Variants in PCBP3 observed in about 807,000 individuals in gnomAD.
The protein encoded by PCBP3 is poly(rC)-binding protein 3.
A neutral mutation model predicts 52.7 loss-of-function variants in PCBP3; 25 were observed. The observed-to-expected ratio is 0.47, with a 90% confidence interval of 0.35 to 0.66. The LOEUF (loss-of-function observed/expected upper bound fraction) is 0.66, where lower values mean the gene tolerates loss of function less well. Ranked by LOEUF, PCBP3 falls within the 30% of genes least tolerant of loss-of-function variation. The pLI, the probability that PCBP3 is intolerant of heterozygous loss-of-function variation, is 0.01. For synonymous variants in PCBP3, 162 were observed against 183.0 expected (o/e 0.89, Z 0.93); for missense variants, 391 against 490.3 (o/e 0.80, Z 1.91).
At chr21:45,921,133 A>G (rs1467185665) in intron 13 of PCBP3, among the ~76,000 whole-genome samples, 1 of 128,144 alleles carries the variant, frequency 7.8e-6, no homozygotes, top group Non-Finnish European at 1.9e-5. Flanking sequence ...TGACATAGGT[A>G]ACAATAGTCA....
chr21:45,841,183 G>A (rs4819156), intron 4 of PCBP3, among the ~76,000 whole-genome samples: 21,545 of 152,162 alleles, frequency 0.14, 1,686 homozygotes, highest in Middle Eastern at 0.28. Context: ...ACGTATTCTC[G>A]TCATTAACGC....
At chr21:45,766,303 C>T (rs902626529) in intron 4 of PCBP3, among the ~76,000 whole-genome samples, 2 of 152,210 alleles carry the variant, frequency 1.3e-5, no homozygotes, top group African/African-American at 4.8e-5. Context: ...CGTGTTGAAG[C>T]CCAAACCCCT....
rs202005351 is a variant in PCBP3 at position 45,914,043 on chromosome 21, C to G, written c.675+18C>G. The G allele has an allele frequency of 6.2e-7, 1 of 1,613,360 alleles. No individual in the cohort carries two copies. Among genetic ancestry groups the G allele is most frequent in the Admixed American group, 1.7e-5 (1 of 60,018 alleles). On this transcript the variant is annotated intron_variant, in intron 12 of 17. Coordinates refer to ENST00000681687, the MANE Select transcript of PCBP3 (RefSeq NM_001384156.1). ...GTGGTCAGGTAAGAGCCGATCCGCTCGCGGCCTCCACTGCCAACCTCAGCC... is the reference window on the plus strand; with the variant it reads ...GTGGTCAGGTAAGAGCCGATCCGCTGGCGGCCTCCACTGCCAACCTCAGCC...
chr21:45,856,782 G>A (rs982274493), intron 5 of PCBP3, among the ~76,000 whole-genome samples: 1 of 152,230 alleles, frequency 6.6e-6, no homozygotes, highest in East Asian at 1.9e-4. Context: ...TACCCAAGGC[G>A]GTCGGGTACA....
intron 4 of PCBP3, among the ~76,000 whole-genome samples, chr21:45,794,790 G>A (rs528175733): frequency 7.2e-5 from 11 of 152,236 alleles, no homozygotes; most frequent in African/African-American, 1.7e-4. Context: ...TGAGCCGGGC[G>A]TGGTGGCAGG....
rs2092451886 is a variant in PCBP3 at position 45,805,175 on chromosome 21, G to A, written c.-125-44786G>A. Among the ~76,000 whole-genome samples, 1 of 152,190 alleles carries A rather than the reference G, an allele frequency of 6.6e-6. No homozygotes were observed. On this transcript the variant is annotated intron_variant, in intron 4 of 17. Transcript: ENST00000681687. The surrounding 1 kb of genome is among the most constrained non-coding windows in gnomAD (Gnocchi z 4.6). Reference sequence around the variant, plus strand: ...ATGGCGCTTCCTAGCCGGGCACTATGCCACAGCCACACCCCTGTGGCCTGG... The same window carrying A: ...ATGGCGCTTCCTAGCCGGGCACTATACCACAGCCACACCCCTGTGGCCTGG...
intron 4 of PCBP3, among the ~76,000 whole-genome samples, chr21:45,816,486 CCTCCT>C (rs1400730099): frequency 1.6e-5 from 1 of 64,430 alleles, no homozygotes; most frequent in Non-Finnish European, 3.2e-5. Context: ...TCCTCCCCCT[CCTCCT>C]CCCCTTCCCC....
rs1273147413 is a variant in PCBP3 at position 45,704,957 on chromosome 21, C to T, written c.-199-30435C>T. 2.6e-5 allele frequency among the ~76,000 whole-genome samples: 4 copies of T among 152,184 alleles called. No homozygotes were observed. Among genetic ancestry groups the T allele is most frequent in the South Asian group, 2.1e-4 (1 of 4,826 alleles). On this transcript the variant is annotated intron_variant, in intron 2 of 17. Transcript: ENST00000681687. This position sits in a 1 kb window ranked among gnomAD's most constrained non-coding sequence, Gnocchi z 4.1. ...GGAGCCTGGTTTCTACCATTAGCCT[C>T]CACAGAGCCCATCTTGGGGAGGTGT...
intron 2 of PCBP3, among the ~76,000 whole-genome samples, chr21:45,709,896 C>G (rs2083714312): frequency 6.6e-6 from 1 of 152,126 alleles, no homozygotes; most frequent in Non-Finnish European, 1.5e-5. Context: ...ATGACTTTGA[C>G]AATTTTGAGG....
In PCBP3 at chr21:45,735,744, C is replaced by A. The variant is rs1189745443; in HGVS notation, c.-162+315C>A. ...TGTAGACCAGCAGGAGCTGGAGGGC[C>A]AGTTGTTAGTGCACTTGGAGCCTAC... is the stretch of plus-strand genomic sequence containing the variant. On this transcript the variant is annotated intron_variant, in intron 3 of 17. Transcript: ENST00000681687. This position sits in a 1 kb window ranked among gnomAD's most constrained non-coding sequence, Gnocchi z 4.0. Among the ~76,000 whole-genome samples, 1 of 152,204 alleles carries A rather than the reference C, an allele frequency of 6.6e-6. No homozygotes were observed. Among genetic ancestry groups the A allele is most frequent in the Non-Finnish European group, 1.5e-5 (1 of 68,036 alleles).
At chr21:45,861,091 G>A (rs2094494425) in intron 5 of PCBP3, among the ~76,000 whole-genome samples, 1 of 152,148 alleles carries the variant, frequency 6.6e-6, no homozygotes, top group South Asian at 2.1e-4. Context: ...CTCCTTCCCA[G>A]TCACACCCTC....
chr21:45,810,364 C>T (rs1408737411), intron 4 of PCBP3, among the ~76,000 whole-genome samples: 1 of 151,866 alleles, frequency 6.6e-6, no homozygotes, highest in Non-Finnish European at 1.5e-5. Flanking sequence ...CCCAGCCTCC[C>T]GAGTAGCTGG....
At chr21:45,909,594 C>A in intron 10 of PCBP3, 108 bp downstream of exon 10, 3 of 1,128,230 alleles carry the variant, frequency 2.7e-6, no homozygotes, top group Non-Finnish European at 3.8e-6. Flanking sequence ...TGTCTGCAAG[C>A]CCAATGCTGG....
intron 4 of PCBP3, among the ~76,000 whole-genome samples, chr21:45,819,426 T>G (rs2093061510): frequency 2.0e-5 from 3 of 152,218 alleles, no homozygotes; most frequent in Admixed American, 2.0e-4. Flanking sequence ...AGTCTAATTT[T>G]GATCCTCTTT....
At chr21:45,858,154 A>G (rs961535672) in intron 5 of PCBP3, among the ~76,000 whole-genome samples, 2 of 152,166 alleles carry the variant, frequency 1.3e-5, no homozygotes, top group African/African-American at 4.8e-5. Flanking sequence ...TCAGAGGTTT[A>G]TTTTGCCAAG....
chr21:45,806,022 C>T (rs2092486991), intron 4 of PCBP3, among the ~76,000 whole-genome samples: 2 of 152,294 alleles, frequency 1.3e-5, no homozygotes, highest in Middle Eastern at 3.4e-3. Flanking sequence ...GCGGTCCACA[C>T]GAATGTCATG....
rs540361814 is a variant in PCBP3 at position 45,695,599 on chromosome 21, C to G, written c.-200+26647C>G. ...TTTACTGGCTTTTACATTTGTTATT[C>G]CTATATTCTTTACAGTGGCCTTTAC... On this transcript the variant is annotated intron_variant, in intron 2 of 17. Coordinates refer to ENST00000681687, the MANE Select transcript of PCBP3 (RefSeq NM_001384156.1). 2.0e-4 allele frequency among the ~76,000 whole-genome samples: 30 copies of G among 152,194 alleles called. 1 individual carries two copies. The highest frequency in any genetic ancestry group is 1.8e-3 in the Admixed American group (28 of 15,284).
chr21:45,782,367 GACATTTTAGAAT>G, intron 4 of PCBP3, among the ~76,000 whole-genome samples: 1 of 152,276 alleles, frequency 6.6e-6, no homozygotes, highest in East Asian at 1.9e-4. Flanking sequence ...GAATCAAATG[GACATTTTAGAAT>G]TGAAACATAT....
At chr21:45,776,053 G>A (rs1412997882) in intron 4 of PCBP3, among the ~76,000 whole-genome samples, 1 of 151,854 alleles carries the variant, frequency 6.6e-6, no homozygotes, top group African/African-American at 2.4e-5. Flanking sequence ...TTTGTTTCAA[G>A]GATTTTTTTT....
Sources: allele counts gnomAD v4.1 joint callset (sites outside exome capture counted in the v4.1 genomes callset), GRCh38; gene constraint gnomAD v4.1.1; non-coding constraint Gnocchi (gnomAD v3.1); transcripts MANE v1.5; gene names NCBI Gene and HGNC (gene_info 2026-07-23, HGNC 2026-07-21).